TBC1D12: variants seen among roughly 807,000 people sequenced by gnomAD.
The protein encoded by TBC1D12 is TBC1 domain family member 12, also known as TBC1 domain family, member 12.
TBC1D12 carries 56 observed loss-of-function variants against 86.7 expected under a neutral mutation model. The observed-to-expected ratio is 0.65, with a 90% confidence interval of 0.52 to 0.81. TBC1D12 has a LOEUF of 0.81. TBC1D12 is among the 30% of genes least tolerant of loss of function. The pLI, the probability that TBC1D12 is intolerant of heterozygous loss-of-function variation, is 0.00. For missense variants in TBC1D12, 1,023 were observed against 1,038.8 expected (o/e 0.98, Z 0.21); for synonymous variants, 421 against 411.7 (o/e 1.02, Z -0.27).
At chr10:94,424,317 C>T (rs1283455553) in intron 1 of TBC1D12, among the ~76,000 whole-genome samples, 1 of 152,154 alleles carries the variant, frequency 6.6e-6, no homozygotes. Flanking sequence ...TAAAACTCTT[C>T]CATAAATAGT....
At position 94,533,657 on chromosome 10, in the gene TBC1D12, G is replaced by T. The variant is rs536234099; in HGVS notation, c.*561G>T. On this transcript the variant is annotated 3_prime_UTR_variant, in exon 13 of 13. Transcript: ENST00000225235. ...AGTTACCTAGGAACTGGAAATGTTG[G>T]TGGGAGATTGTTTATTGTTTGTTTA... 6.6e-6 allele frequency: 1 copy of T among 152,260 alleles called. No individual in the cohort carries two copies. The highest frequency in any genetic ancestry group is 2.4e-5 in the African/African-American group (1 of 41,564). 9.4% of individuals were successfully genotyped at this position (152,260 alleles called of 1,614,324 possible). A position where few individuals can be genotyped will look rare whatever the true frequency, so the allele number is the denominator to read the frequency against.
At position 94,402,622 on chromosome 10, in the gene TBC1D12, TCCGGAGGATG is replaced by T; in HGVS notation, c.16_25del (p.Asp6ProfsTer24). 2 of 1,611,780 alleles carry T rather than the reference TCCGGAGGATG, an allele frequency of 1.2e-6. No homozygotes were observed. The highest frequency in any genetic ancestry group is 3.3e-4 in the Middle Eastern group (2 of 6,054). On this transcript the variant is annotated frameshift_variant, in exon 1 of 13. Transcript: ENST00000225235. LOFTEE classifies it high-confidence loss of function. ...CCGCCACCCACCCCCAGATGGTGGGTCCGGAGGATGCCGGAGCCTGCTCGGGAAGAAACCC... is the reference window on the plus strand; with the variant it reads ...CCGCCACCCACCCCCAGATGGTGGGTCCGGAGCCTGCTCGGGAAGAAACCC...
Position 94,534,930 on chromosome 10 carries a change from A to G in TBC1D12, c.*1834A>G, listed in dbSNP as rs980034194. ...TTCTCACTGAAAAGTAAATTGGGGA[A>G]AATGCTGCTTTTACTATTTTGCATT... On this transcript the variant is annotated 3_prime_UTR_variant, in exon 13 of 13. Transcript: ENST00000225235. 2.0e-5 allele frequency: 3 copies of G among 152,138 alleles called. No individual in the cohort carries two copies. Among genetic ancestry groups the G allele is most frequent in the African/African-American group, 7.2e-5 (3 of 41,420 alleles). 9.4% of individuals were successfully genotyped at this position (152,138 alleles called of 1,614,324 possible). A position where few individuals can be genotyped will look rare whatever the true frequency, so the allele number is the denominator to read the frequency against.
chr10:94,417,806 T>C (rs2134057988), intron 1 of TBC1D12, among the ~76,000 whole-genome samples: 1 of 151,108 alleles, frequency 6.6e-6, no homozygotes, highest in East Asian at 2.0e-4. Context: ...TGGAGTGCAG[T>C]GGCGCAGTCT....
chr10:94,441,811 T>G, intron 1 of TBC1D12, 85 bp from the exon 2 acceptor site: 1 of 1,426,058 alleles, frequency 7.0e-7, no homozygotes, highest in Non-Finnish European at 9.5e-7. Context: ...TGTTTTTGCC[T>G]TGGGAACAAA....
In TBC1D12 at chr10:94,466,415, C is replaced by CAT. The variant is rs143453216; in HGVS notation, c.1096-8244_1096-8243dup. Among the ~76,000 whole-genome samples the CAT allele has an allele frequency of 2.3e-3, 349 of 151,928 alleles. 2 individuals are homozygous for CAT. The highest frequency in any genetic ancestry group is 4.3e-3 in the Non-Finnish European group (293 of 67,940). On this transcript the variant is annotated intron_variant, in intron 2 of 12. Transcript: ENST00000225235. Reference sequence around the variant, plus strand: ...AAATTATATTGCTGTCTATTGACAACATATATATATGTATATATGTATATA... The same window carrying CAT: ...AAATTATATTGCTGTCTATTGACAACATATATATATATGTATATATGTATATA...
At chr10:94,475,812 T>A (rs1455757348) in intron 3 of TBC1D12, among the ~76,000 whole-genome samples, 1 of 152,234 alleles carries the variant, frequency 6.6e-6, no homozygotes, top group Non-Finnish European at 1.5e-5. Context: ...ATTGTCTGAT[T>A]TATTATTAAA....
intron 11 of TBC1D12, among the ~76,000 whole-genome samples, chr10:94,523,672 A>G (rs1413041477): frequency 6.7e-6 from 1 of 149,742 alleles, no homozygotes; most frequent in Non-Finnish European, 1.5e-5. Flanking sequence ...TCTCTAGCTT[A>G]AAAAAAAAGG....
chr10:94,414,600 C>CTTTTTTT (rs71031575), intron 1 of TBC1D12, among the ~76,000 whole-genome samples: 1 of 135,002 alleles, frequency 7.4e-6, no homozygotes. Flanking sequence ...TACTGTGAAA[C>CTTTTTTT]TTTTTTTTTT....
intron 3 of TBC1D12, among the ~76,000 whole-genome samples, chr10:94,479,222 C>A (rs899022512): frequency 9.9e-5 from 15 of 152,070 alleles, no homozygotes; most frequent in Admixed American, 9.8e-4. Flanking sequence ...GTGTGTATTG[C>A]TCTGGGATGT....
chr10:94,435,447 C>A (rs1194357915), intron 1 of TBC1D12, among the ~76,000 whole-genome samples: 2 of 152,148 alleles, frequency 1.3e-5, no homozygotes, highest in Non-Finnish European at 2.9e-5. Context: ...AGTTTGTGAG[C>A]TCCCTTATTA....
chr10:94,494,988 G>A (rs1463007057), intron 4 of TBC1D12, among the ~76,000 whole-genome samples: 1 of 149,922 alleles, frequency 6.7e-6, no homozygotes, highest in Non-Finnish European at 1.5e-5. Context: ...CAGCTTCCCT[G>A]GTAGCTGGGA....
intron 3 of TBC1D12, among the ~76,000 whole-genome samples, chr10:94,489,774 G>T (rs755454959): frequency 2.6e-5 from 4 of 152,126 alleles, no homozygotes; most frequent in African/African-American, 9.7e-5. Flanking sequence ...AAGAGATAGA[G>T]AGAGATGGGA....
At chr10:94,430,569 T>C (rs765299277) in intron 1 of TBC1D12, among the ~76,000 whole-genome samples, 4 of 152,242 alleles carry the variant, frequency 2.6e-5, no homozygotes, top group Non-Finnish European at 4.4e-5. Context: ...AGGCAAATGG[T>C]CTGACTCTTA....
rs765343826 is a variant in TBC1D12, at chr10:94,531,394, A to G, written c.2193A>G (p.Thr731=). The change falls in exon 12 of 13, where the codon ACA becomes ACG. Residue 731 remains threonine (T), a synonymous_variant. Coordinates refer to ENST00000225235, the MANE Select transcript of TBC1D12 (RefSeq NM_015188.2). The part of the protein sequence containing the change: ...QFLTKLPEDI[T]SEKLFSCIAA... ...TAACTAAATTGCCAGAAGATATCACATCGGAAAAGCTGTTCAGTTGTATTG... is the reference window on the plus strand; with the variant it reads ...TAACTAAATTGCCAGAAGATATCACGTCGGAAAAGCTGTTCAGTTGTATTG... 6.8e-6 allele frequency: 11 copies of G among 1,614,050 alleles called. No homozygotes were observed. The highest frequency in any genetic ancestry group is 2.2e-5 in the East Asian group (1 of 44,876).
At chr10:94,495,738 T>A (rs2056310063) in intron 4 of TBC1D12, among the ~76,000 whole-genome samples, 1 of 151,846 alleles carries the variant, frequency 6.6e-6, no homozygotes, top group Non-Finnish European at 1.5e-5. Context: ...TTTTTTGTTG[T>A]TGGTAAAGCA....
At chr10:94,509,701 G>C (rs1249541454) in intron 7 of TBC1D12, 1 of 193,862 alleles carries the variant, frequency 5.2e-6, no homozygotes, top group East Asian at 1.8e-4. Flanking sequence ...ATGGACACTG[G>C]TGTCTACTCA....
intron 3 of TBC1D12, among the ~76,000 whole-genome samples, chr10:94,486,508 A>C (rs1416496546): frequency 3.3e-5 from 5 of 151,472 alleles, no homozygotes; most frequent in Non-Finnish European, 5.9e-5. Flanking sequence ...ATTTCCATTA[A>C]CATTTGTTTC....
chr10:94,485,544 CTT>C (rs772788846), intron 3 of TBC1D12, among the ~76,000 whole-genome samples: 10 of 122,722 alleles, frequency 8.1e-5, no homozygotes, highest in Admixed American at 1.6e-4. Flanking sequence ...TGTAGTTTTC[CTT>C]TTTTTTTTTT....
Sources: allele counts gnomAD v4.1 joint callset (sites outside exome capture counted in the v4.1 genomes callset), GRCh38; gene constraint gnomAD v4.1.1; transcripts MANE v1.5; gene names NCBI Gene and HGNC (gene_info 2026-07-23, HGNC 2026-07-21).